TENM3: variants seen among roughly 807,000 people sequenced by gnomAD.
The protein encoded by TENM3 is teneurin-3.
A neutral mutation model predicts 255.1 loss-of-function variants in TENM3; 63 were observed. The ratio of observed to expected loss-of-function variants is 0.25; its 90% CI spans 0.20 to 0.30. TENM3 has a LOEUF of 0.30. Ranked by LOEUF, TENM3 falls within the 10% of genes least tolerant of loss-of-function variation. TENM3 has a pLI of 1.00. For missense variants in TENM3, 2,929 were observed against 3,461.1 expected (o/e 0.85, Z 3.86); for synonymous variants, 1,306 against 1,322.3 (o/e 0.99, Z 0.27).
At chr4:182,457,404 T>C (rs1189265803) in intron 3 of TENM3, among the ~76,000 whole-genome samples, 1 of 152,106 alleles carries the variant, frequency 6.6e-6, no homozygotes, top group Admixed American at 6.6e-5. Context: ...AAACCCATTA[T>C]ATATGATTTC....
the TENM3 span, among the ~76,000 whole-genome samples, chr4:181,684,414 T>A: frequency 1.3e-5 from 2 of 152,304 alleles, no homozygotes; most frequent in East Asian, 1.9e-4. Flanking sequence ...CCCTGTGACT[T>A]TGAATCTAAT....
intron 5 of TENM3, among the ~76,000 whole-genome samples, chr4:182,639,960 C>T (rs181964282): frequency 3.1e-4 from 47 of 152,114 alleles, no homozygotes; most frequent in Non-Finnish European, 6.0e-4. Context: ...CGTGGTGGCG[C>T]GCACCTGTAG....
the TENM3 span, among the ~76,000 whole-genome samples, chr4:181,518,798 A>G: frequency 6.6e-6 from 1 of 152,150 alleles, no homozygotes; most frequent in Non-Finnish European, 1.5e-5. Context: ...ATACTGATAA[A>G]TATATTCCTG....
chr4:181,856,570 A>T, the TENM3 span, among the ~76,000 whole-genome samples: 1 of 152,180 alleles, frequency 6.6e-6, no homozygotes, highest in African/African-American at 2.4e-5. Flanking sequence ...CCCGTGCCTT[A>T]TGCACTGGCA....
At chr4:182,111,479 A>T in the TENM3 span, among the ~76,000 whole-genome samples, 1 of 152,324 alleles carries the variant, frequency 6.6e-6, no homozygotes, top group South Asian at 2.1e-4. Context: ...TTTAAAGGGC[A>T]TGTACTCAAT....
chr4:181,680,028 T>G, the TENM3 span, among the ~76,000 whole-genome samples: 2 of 152,118 alleles, frequency 1.3e-5, no homozygotes, highest in South Asian at 4.1e-4. Context: ...AAACTGTATC[T>G]CATTGTCAGT....
At chr4:182,271,264 A>T (rs1227075075) in intron 1 of TENM3, among the ~76,000 whole-genome samples, 1 of 152,114 alleles carries the variant, frequency 6.6e-6, no homozygotes, top group East Asian at 1.9e-4. Context: ...TTCAAAGCCT[A>T]ACCACCCCCT....
At position 182,517,447 on chromosome 4, in the gene TENM3, G is replaced by C. The variant is rs539189088; in HGVS notation, c.512-83477G>C. Among the ~76,000 whole-genome samples, 3 of 123,558 alleles carry C rather than the reference G, an allele frequency of 2.4e-5. 1 individual carries two copies. The highest frequency in any genetic ancestry group is 9.5e-5 in the African/African-American group (3 of 31,682). The allele number at this position is 123,558 out of a possible 152,430, so 81.1% of individuals were successfully genotyped here. ...CGCCCAGGCTGGAGTGCAGTGGTGC[G>C]ATCTCGGCTCGCTGCAAGCTCCGCC... On this transcript the variant is annotated intron_variant, in intron 3 of 27. Transcript: ENST00000511685.
At chr4:182,679,524 C>G (rs1421846930) in intron 7 of TENM3, 142 bp from the exon 8 acceptor site, 2 of 659,342 alleles carry the variant, frequency 3.0e-6, no homozygotes, top group Non-Finnish European at 5.2e-6. Flanking sequence ...GCATGGGAGA[C>G]TTCTACCATT....
the TENM3 span, among the ~76,000 whole-genome samples, chr4:182,117,034 T>G: frequency 2.6e-5 from 4 of 152,204 alleles, no homozygotes; most frequent in Non-Finnish European, 5.9e-5. Flanking sequence ...ATTTCCCAAA[T>G]TATATATAAT....
At chr4:181,971,217 G>T in the TENM3 span, among the ~76,000 whole-genome samples, 1 of 152,202 alleles carries the variant, frequency 6.6e-6, no homozygotes, top group Non-Finnish European at 1.5e-5. Flanking sequence ...TCAGGAATGG[G>T]ATTGGAAAGA....
chr4:182,577,746 A>C (rs902948823), intron 3 of TENM3, among the ~76,000 whole-genome samples: 1 of 152,166 alleles, frequency 6.6e-6, no homozygotes, highest in Non-Finnish European at 1.5e-5. Flanking sequence ...GTTTTCATGC[A>C]CATAGGTAAT....
the TENM3 span, among the ~76,000 whole-genome samples, chr4:181,564,816 G>A: frequency 1.3e-5 from 2 of 152,108 alleles, no homozygotes; most frequent in African/African-American, 4.8e-5. Flanking sequence ...GTATCCTGCT[G>A]TGTGAGTCAC....
intron 1 of TENM3, among the ~76,000 whole-genome samples, chr4:182,204,663 A>T (rs1439204332): frequency 6.6e-6 from 1 of 152,060 alleles, no homozygotes; most frequent in Admixed American, 6.6e-5. Context: ...CCTGACCATT[A>T]TTTATCTAAG....
At chr4:181,737,873 T>A in the TENM3 span, among the ~76,000 whole-genome samples, 1 of 150,722 alleles carries the variant, frequency 6.6e-6, no homozygotes, top group Admixed American at 6.7e-5. Context: ...GGATGTGGTA[T>A]TACATAAATT....
intron 5 of TENM3, 23 bp from the exon 6 acceptor site, chr4:182,653,748 C>T (rs763259849): frequency 6.3e-7 from 1 of 1,589,910 alleles, no homozygotes; most frequent in African/African-American, 1.4e-5. Flanking sequence ...GATCTTTAAA[C>T]AACTTGTGTT....
the TENM3 span, among the ~76,000 whole-genome samples, chr4:181,509,975 C>T: frequency 1.3e-5 from 2 of 152,172 alleles, no homozygotes; most frequent in Admixed American, 6.5e-5. Flanking sequence ...AAGCAAACCC[C>T]CTAATTAAAT....
At chr4:181,991,323 G>A in the TENM3 span, among the ~76,000 whole-genome samples, 1 of 152,126 alleles carries the variant, frequency 6.6e-6, no homozygotes, top group Admixed American at 6.6e-5. Flanking sequence ...TGAAGCCAGT[G>A]TTAGCGCTCA....
chr4:181,558,162 T>C, the TENM3 span, among the ~76,000 whole-genome samples: 23 of 152,332 alleles, frequency 1.5e-4, no homozygotes, highest in Non-Finnish European at 2.4e-4. Context: ...AAAATCTATA[T>C]GGAAGATCAA....
Sources: allele counts gnomAD v4.1 joint callset (sites outside exome capture counted in the v4.1 genomes callset), GRCh38; gene constraint gnomAD v4.1.1; transcripts MANE v1.5; gene names NCBI Gene and HGNC (gene_info 2026-07-23, HGNC 2026-07-21).